The following RFX3 variants were observed in gnomAD, a reference collection of about 807,000 sequenced individuals.
RFX3 encodes transcription factor RFX3.
Under a neutral mutation model 98.6 loss-of-function variants are expected in RFX3, and 14 were observed. The ratio of observed to expected loss-of-function variants is 0.14; its 90% confidence interval spans 0.09 to 0.22. The LOEUF (loss-of-function observed/expected upper bound fraction) is 0.22. Among genes scored for constraint, RFX3 ranks in the 10% least tolerant of loss-of-function variants. The pLI, the probability that RFX3 is intolerant of heterozygous loss-of-function variation, is 1.00. For synonymous variants in RFX3, 383 were observed against 328.4 expected (o/e 1.17, Z -1.80); for missense variants, 639 against 926.9 (o/e 0.69, Z 4.03).
chr9:3,291,865 G>A (rs1586906951), intron 6 of RFX3, among the ~76,000 whole-genome samples: 1 of 151,580 alleles, frequency 6.6e-6, no homozygotes, highest in Middle Eastern at 3.4e-3. Context: ...GAGACCATCT[G>A]GACTAACATG....
intron 1 of RFX3, among the ~76,000 whole-genome samples, chr9:3,409,278 C>T (rs1342222954): frequency 1.3e-5 from 2 of 152,170 alleles, no homozygotes. Flanking sequence ...CACTTAAGTA[C>T]ATTGTATACT....
intron 15 of RFX3, among the ~76,000 whole-genome samples, chr9:3,235,621 T>C (rs528527641): frequency 6.6e-6 from 1 of 152,334 alleles, no homozygotes; most frequent in South Asian, 2.1e-4. Context: ...GAATTTTTTT[T>C]ACCTCTTTTT....
intron 12 of RFX3, 29 bp downstream of exon 12, chr9:3,266,178 CA>C: frequency 7.3e-7 from 1 of 1,360,598 alleles, no homozygotes. Flanking sequence ...TTCCTCAACA[CA>C]AAAGAAAAAG....
At chr9:3,230,995 T>C (rs1166815346) in intron 15 of RFX3, among the ~76,000 whole-genome samples, 1 of 152,206 alleles carries the variant, frequency 6.6e-6, no homozygotes, top group Non-Finnish European at 1.5e-5. Context: ...TTCTACTTAA[T>C]ACGAATAATA....
intron 2 of RFX3, among the ~76,000 whole-genome samples, chr9:3,352,705 A>G (rs920079545): frequency 3.9e-5 from 6 of 152,092 alleles, no homozygotes; most frequent in African/African-American, 1.2e-4. Flanking sequence ...GTTTTCAGTC[A>G]TGTGACAAAA....
chr9:3,293,844 A>G (rs1827679181), intron 5 of RFX3, among the ~76,000 whole-genome samples: 1 of 152,326 alleles, frequency 6.6e-6, no homozygotes, highest in South Asian at 2.1e-4. Context: ...TCTTCCCCAA[A>G]TGAAAATAAA....
At chr9:3,258,448 G>T (rs490961) in intron 13 of RFX3, among the ~76,000 whole-genome samples, 117,299 of 151,974 alleles carry the variant, frequency 0.77, 47,161 homozygotes, top group East Asian at 0.9. Flanking sequence ...CTATTCAAGG[G>T]ACATTTCAAC....
intron 3 of RFX3, among the ~76,000 whole-genome samples, chr9:3,336,931 G>A (rs574043688): frequency 2.0e-5 from 3 of 152,100 alleles, no homozygotes; most frequent in Non-Finnish European, 2.9e-5. Flanking sequence ...TGAATGCCTG[G>A]GTATGTATGT....
At chr9:3,477,992 A>T (rs1849419007) in intron 1 of RFX3, among the ~76,000 whole-genome samples, 1 of 151,928 alleles carries the variant, frequency 6.6e-6, no homozygotes, top group South Asian at 2.1e-4. Flanking sequence ...CTTGTTTTTT[A>T]ATAATTTCTA....
rs1222873413 is a variant in RFX3, at chr9:3,403,813, C to T, written c.-8-8217G>A. 2.0e-5 allele frequency among the ~76,000 whole-genome samples: 3 copies of T among 152,120 alleles called. No homozygotes were observed. The South Asian group carries it at 6.2e-4, about 32-fold the overall frequency. ...TTTACAGAGCCACAAAAGAAACGAG[C>T]AGGTAGTACTGCACCAAACAGAGTT... On this transcript the variant is annotated intron_variant, in intron 1 of 16. Transcript: ENST00000617270.
intron 7 of RFX3, among the ~76,000 whole-genome samples, chr9:3,284,067 T>C (rs913867415): frequency 6.6e-6 from 1 of 151,790 alleles, no homozygotes; most frequent in African/African-American, 2.4e-5. Flanking sequence ...GTCTTTTAGA[T>C]GTGATTGACA....
intron 1 of RFX3, among the ~76,000 whole-genome samples, chr9:3,480,697 G>A (rs1849676167): frequency 1.3e-5 from 2 of 152,148 alleles, no homozygotes; most frequent in Admixed American, 6.6e-5. Flanking sequence ...TTAATTATAA[G>A]TGGAACCTGT....
At chr9:3,365,866 C>G (rs1421488015) in intron 2 of RFX3, among the ~76,000 whole-genome samples, 1 of 151,928 alleles carries the variant, frequency 6.6e-6, no homozygotes, top group Non-Finnish European at 1.5e-5. Flanking sequence ...AGAGTTAACA[C>G]TAACTGCCAC....
intron 1 of RFX3, among the ~76,000 whole-genome samples, chr9:3,506,391 G>T (rs1229555930): frequency 6.6e-6 from 1 of 151,642 alleles, no homozygotes; most frequent in Non-Finnish European, 1.5e-5. Flanking sequence ...TGGAACTGAA[G>T]TCCTGATCCT....
At chr9:3,339,128 T>TA (rs890754377) in intron 3 of RFX3, among the ~76,000 whole-genome samples, 18 of 149,174 alleles carry the variant, frequency 1.2e-4, no homozygotes, top group South Asian at 4.2e-4. Flanking sequence ...TACTTGAGTT[T>TA]AAAAAAAAAA....
chr9:3,370,449 CT>C (rs970970940), intron 2 of RFX3, among the ~76,000 whole-genome samples: 49 of 151,572 alleles, frequency 3.2e-4, no homozygotes, highest in African/African-American at 1.1e-3. Context: ...TTCAAATCTT[CT>C]ATGAAGTACA....
At chr9:3,386,701 T>C (rs1456940470) in intron 2 of RFX3, among the ~76,000 whole-genome samples, 3 of 152,038 alleles carry the variant, frequency 2.0e-5, no homozygotes, top group African/African-American at 7.2e-5. Flanking sequence ...TCCTAGAAAA[T>C]AATGTTGGAT....
At position 3,309,122 on chromosome 9, in the gene RFX3, C is replaced by T. The variant is rs373559988; in HGVS notation, c.475-7502G>A. ...TCAAGAAAAATGCATAGATTCTGTACGACAGAGAACGTCATTTCTTTTGAG... is the reference window on the plus strand; with the variant it reads ...TCAAGAAAAATGCATAGATTCTGTATGACAGAGAACGTCATTTCTTTTGAG... On this transcript the variant is annotated intron_variant, in intron 4 of 16. Transcript: ENST00000617270. Among the ~76,000 whole-genome samples the T allele has an allele frequency of 2.8e-4, 43 of 152,194 alleles. No individual in the cohort carries two copies. The East Asian group carries it at 7.3e-3, about 26-fold the overall frequency.
chr9:3,465,865 T>A (rs1036749328), intron 1 of RFX3, among the ~76,000 whole-genome samples: 1 of 152,048 alleles, frequency 6.6e-6, no homozygotes, highest in Non-Finnish European at 1.5e-5. Flanking sequence ...AACTTGACTA[T>A]TCCTAAAAAT....
Sources: allele counts gnomAD v4.1 joint callset (sites outside exome capture counted in the v4.1 genomes callset), GRCh38; gene constraint gnomAD v4.1.1; transcripts MANE v1.5; gene names NCBI Gene and HGNC (gene_info 2026-07-23, HGNC 2026-07-21).